The following CDH18 variants were observed in gnomAD, a reference collection of about 807,000 sequenced individuals.
The protein encoded by CDH18 is cadherin-18.
A neutral mutation model predicts 67.9 loss-of-function variants in CDH18; 31 were observed. The ratio of observed to expected loss-of-function variants is 0.46; its 90% CI spans 0.34 to 0.62. The LOEUF (loss-of-function observed/expected upper bound fraction) is 0.62, where lower values mean the gene tolerates loss of function less well. Ranked by LOEUF, CDH18 falls within the 20% of genes least tolerant of loss-of-function variation. The probability of loss-of-function intolerance (pLI) is 0.01; values close to 1 mark genes in which losing one functional copy is unlikely to be tolerated. For synonymous variants in CDH18, 362 were observed against 347.2 expected, an observed-to-expected ratio of 1.04 and a Z score of -0.48; for missense variants, 890 against 975.5, an observed-to-expected ratio of 0.91 and a Z score of 1.17.
At chr5:20,092,368 T>C (rs958439960) in intron 2 of CDH18, among the ~76,000 whole-genome samples, 2 of 152,062 alleles carry the variant, frequency 1.3e-5, no homozygotes, top group Non-Finnish European at 2.9e-5. Context: ...ATAGACTAAA[T>C]GGCATCATAC....
At chr5:20,565,946 T>C (rs1404142890) in intron 1 of CDH18, among the ~76,000 whole-genome samples, 1 of 152,114 alleles carries the variant, frequency 6.6e-6, no homozygotes, top group Non-Finnish European at 1.5e-5. Context: ...TGTTTTGTCA[T>C]CTTTTGTCTA....
chr5:20,341,624 A>G (rs1474912865), intron 1 of CDH18, among the ~76,000 whole-genome samples: 1 of 151,900 alleles, frequency 6.6e-6, no homozygotes, highest in Non-Finnish European at 1.5e-5. Flanking sequence ...CCTCTAGAGA[A>G]CCCTGACTAA....
intron 2 of CDH18, among the ~76,000 whole-genome samples, chr5:19,974,508 G>A (rs1420393115): frequency 1.8e-5 from 2 of 113,204 alleles, no homozygotes; most frequent in East Asian, 2.8e-4. Context: ...GACAGAATGA[G>A]ATCCTGTCTC....
chr5:20,503,186 AT>A (rs201118311), intron 1 of CDH18, among the ~76,000 whole-genome samples: 167 of 114,388 alleles, frequency 1.5e-3, no homozygotes, highest in Admixed American at 5.7e-3. Flanking sequence ...ACAAACACAA[AT>A]TTAAAAAAAA....
rs755078498 is a variant in CDH18, at chr5:19,475,232, A to G, written c.1883-1516T>C. On this transcript the variant is annotated intron_variant, in intron 12 of 12. Transcript: ENST00000382275. ...CACACACACACATGCTTCTCAACCT[A>G]CAGTAAGCTTACATTCTTATAAACC... is the stretch of plus-strand genomic sequence containing the variant. 3.2e-4 allele frequency among the ~76,000 whole-genome samples: 47 copies of G among 149,012 alleles called. 1 individual carries two copies. Among genetic ancestry groups the G allele is most frequent in the Admixed American group, 2.2e-3 (32 of 14,578 alleles).
intron 7 of CDH18, among the ~76,000 whole-genome samples, chr5:19,579,825 G>A (rs1226863600): frequency 6.6e-6 from 1 of 151,580 alleles, no homozygotes; most frequent in African/African-American, 2.4e-5. Flanking sequence ...GTTCCTGCCT[G>A]TCATTACCCA....
chr5:19,482,695 T>A (rs1241620478), intron 12 of CDH18, among the ~76,000 whole-genome samples: 2 of 152,208 alleles, frequency 1.3e-5, no homozygotes, highest in Non-Finnish European at 2.9e-5. Flanking sequence ...ATGCCTAGTG[T>A]AGTCAAGCAA....
At chr5:19,692,228 A>T (rs1292699322) in intron 5 of CDH18, among the ~76,000 whole-genome samples, 2 of 152,132 alleles carry the variant, frequency 1.3e-5, no homozygotes, top group African/African-American at 4.8e-5. Context: ...TACAAATATC[A>T]ACTCAAAATG....
At chr5:20,225,242 G>A (rs1051596173) in intron 2 of CDH18, among the ~76,000 whole-genome samples, 57 of 151,948 alleles carry the variant, frequency 3.8e-4, no homozygotes, top group African/African-American at 1.3e-3. Context: ...GTGACATATT[G>A]TTTCTCTCCC....
intron 2 of CDH18, among the ~76,000 whole-genome samples, chr5:19,959,861 C>T (rs947852865): frequency 1.1e-4 from 16 of 152,056 alleles, no homozygotes; most frequent in Admixed American, 2.0e-4. Context: ...TGCTCCTAGG[C>T]TACAAATCTG....
intron 1 of CDH18, among the ~76,000 whole-genome samples, chr5:20,294,737 T>C (rs1445186546): frequency 6.6e-6 from 1 of 152,244 alleles, no homozygotes; most frequent in Non-Finnish European, 1.5e-5. Flanking sequence ...CACATCCTTC[T>C]GTGTAGCATG....
chr5:19,875,806 T>G (rs1416314451), intron 2 of CDH18, among the ~76,000 whole-genome samples: 3 of 152,064 alleles, frequency 2.0e-5, no homozygotes, highest in Non-Finnish European at 4.4e-5. Flanking sequence ...AATTATAGTT[T>G]ATTAATTGTC....
At chr5:19,785,762 T>A (rs1775713579) in intron 3 of CDH18, among the ~76,000 whole-genome samples, 1 of 125,372 alleles carries the variant, frequency 8.0e-6, no homozygotes, top group Non-Finnish European at 1.6e-5. Context: ...AATAGGTAGA[T>A]CATAGAGGTT....
At chr5:20,536,433 G>C (rs1756727146) in intron 1 of CDH18, among the ~76,000 whole-genome samples, 2 of 152,156 alleles carry the variant, frequency 1.3e-5, no homozygotes, top group South Asian at 2.1e-4. Flanking sequence ...AGCCATTACT[G>C]TTTGAAGTAA....
intron 1 of CDH18, among the ~76,000 whole-genome samples, chr5:20,550,418 A>T (rs1757568532): frequency 6.6e-6 from 1 of 152,236 alleles, no homozygotes; most frequent in Admixed American, 6.5e-5. Context: ...CCTAAAGGTT[A>T]AAAATAATAA....
At chr5:20,092,447 A>G (rs1273708885) in intron 2 of CDH18, among the ~76,000 whole-genome samples, 1 of 152,214 alleles carries the variant, frequency 6.6e-6, no homozygotes, top group Non-Finnish European at 1.5e-5. Context: ...AAAACAACCT[A>G]AAGAGAAAAT....
chr5:20,417,720 A>G (rs1004870239), intron 1 of CDH18, among the ~76,000 whole-genome samples: 12 of 152,188 alleles, frequency 7.9e-5, no homozygotes, highest in African/African-American at 2.9e-4. Context: ...CACATAAAAT[A>G]TGGTGCACTG....
intron 2 of CDH18, among the ~76,000 whole-genome samples, chr5:20,123,892 A>G (rs1212692602): frequency 1.3e-5 from 2 of 151,678 alleles, no homozygotes; most frequent in African/African-American, 4.8e-5. Flanking sequence ...GTCTCAAAAA[A>G]AAAAAAAAAA....
chr5:19,972,669 G>A (rs1798138134), intron 2 of CDH18, among the ~76,000 whole-genome samples: 1 of 151,900 alleles, frequency 6.6e-6, no homozygotes, highest in Non-Finnish European at 1.5e-5. Flanking sequence ...TCTCATAATG[G>A]TGTAGGAACA....
Sources: gnomAD v4.1 joint callset for allele counts (sites outside exome capture counted in the v4.1 genomes callset) on GRCh38, gnomAD v4.1.1 for gene constraint, MANE v1.5 for transcripts, NCBI Gene and HGNC (gene_info 2026-07-23, HGNC 2026-07-21) for gene names.